The following TCF7L2 variants were observed in gnomAD, a reference collection of about 807,000 sequenced individuals.
TCF7L2 encodes transcription factor 7-like 2.
In TCF7L2, 23 loss-of-function variants were observed where a neutral mutation model predicts 77.9. That is an observed-to-expected ratio of 0.30 (90% confidence interval 0.21 to 0.42). The LOEUF (loss-of-function observed/expected upper bound fraction) is 0.42. Among genes scored for constraint, TCF7L2 ranks in the 10% least tolerant of loss-of-function variants. The pLI, the probability that TCF7L2 is intolerant of heterozygous loss-of-function variation, is 1.00. For synonymous variants in TCF7L2, 413 were observed against 340.2 expected (o/e 1.21, Z -2.36); for missense variants, 654 against 793.1 (o/e 0.82, Z 2.11).
In TCF7L2 at chr10:113,165,962, C is replaced by T. The variant is rs2074022203; in HGVS notation, c.1799C>T (p.Ser600Phe). ...CAGCCGCTGTCGCTCGTCACCAAGT[C>T]TTTAGAATAGCTTTAGCGTCGTGAA... Residue 600 changes from serine (S) to phenylalanine (F), a missense_variant, in exon 14 of 14, where the codon TCT (serine) becomes TTT (phenylalanine). Physicochemically the swap from Ser to Phe is radical, Grantham distance 155. Transcript: ENST00000627217. 6.6e-7 allele frequency: 1 copy of T among 1,524,724 alleles called. No homozygotes were observed. Among genetic ancestry groups the T allele is most frequent in the African/African-American group, 1.4e-5 (1 of 71,806 alleles). 94.4% of individuals were successfully genotyped at this position (1,524,724 alleles called of 1,614,324 possible). A position where few individuals can be genotyped will look rare whatever the true frequency, so the allele number is the denominator to read the frequency against.
chr10:113,127,710 C>A (rs1009363220), intron 5 of TCF7L2, among the ~76,000 whole-genome samples: 2 of 151,666 alleles, frequency 1.3e-5, no homozygotes, highest in Admixed American at 6.6e-5. Flanking sequence ...CTGGGGGCAC[C>A]CTGGGGATGA....
intron 4 of TCF7L2, among the ~76,000 whole-genome samples, chr10:112,991,783 C>T (rs1419938127): frequency 1.3e-5 from 2 of 152,126 alleles, no homozygotes; most frequent in African/African-American, 4.8e-5. Flanking sequence ...GGGGAGGGAG[C>T]CTTGGAAGGA....
At chr10:113,145,217 T>C (rs1335301110) in intron 7 of TCF7L2, among the ~76,000 whole-genome samples, 1 of 152,170 alleles carries the variant, frequency 6.6e-6, no homozygotes, top group Non-Finnish European at 1.5e-5. Context: ...TTATTTTTAT[T>C]GGGACGGTAG....
At chr10:112,971,568 C>T (rs956291732) in intron 4 of TCF7L2, among the ~76,000 whole-genome samples, 3 of 151,622 alleles carry the variant, frequency 2.0e-5, no homozygotes, top group African/African-American at 7.3e-5. Context: ...CCTTGGCCTC[C>T]CAAAGTGCTG....
intron 5 of TCF7L2, among the ~76,000 whole-genome samples, chr10:113,045,046 T>C (rs1176917023): frequency 6.6e-6 from 1 of 151,936 alleles, no homozygotes; most frequent in Non-Finnish European, 1.5e-5. Flanking sequence ...CAAAGGTAGG[T>C]AGATGGAGAT....
intron 11 of TCF7L2, among the ~76,000 whole-genome samples, chr10:113,154,148 AG>A (rs1404053293): frequency 6.6e-6 from 1 of 152,116 alleles, no homozygotes; most frequent in Non-Finnish European, 1.5e-5. Flanking sequence ...TGCAGTGGGG[AG>A]GCCTTTCTTC....
chr10:113,148,673 G>A (rs1326332007), intron 8 of TCF7L2, among the ~76,000 whole-genome samples: 1 of 152,074 alleles, frequency 6.6e-6, no homozygotes, highest in East Asian at 1.9e-4. Context: ...AGCAGACGGG[G>A]GTATATAATG....
At chr10:112,965,423 G>A (rs943113373) in intron 4 of TCF7L2, among the ~76,000 whole-genome samples, 7 of 152,214 alleles carry the variant, frequency 4.6e-5, no homozygotes, top group African/African-American at 1.2e-4. Flanking sequence ...ACCTCATGGT[G>A]TAACTAATGG....
intron 4 of TCF7L2, among the ~76,000 whole-genome samples, chr10:113,027,124 A>G (rs115405920): frequency 0.013 from 1,976 of 152,312 alleles, 54 homozygotes; most frequent in African/African-American, 0.044. Context: ...GGTGCTGACT[A>G]ATTCAACTGG....
intron 11 of TCF7L2, among the ~76,000 whole-genome samples, chr10:113,157,228 C>T (rs1277746093): frequency 6.6e-6 from 1 of 152,234 alleles, no homozygotes; most frequent in Admixed American, 6.5e-5. Flanking sequence ...AGGCGATTCT[C>T]CTGCCTCGGC....
At chr10:113,016,270 T>C (rs904396012) in intron 4 of TCF7L2, among the ~76,000 whole-genome samples, 2 of 152,166 alleles carry the variant, frequency 1.3e-5, no homozygotes, top group East Asian at 3.9e-4. Flanking sequence ...TTTTGCCGTG[T>C]TGTCCAAGCT....
chr10:113,147,757 C>T (rs1419877978), intron 8 of TCF7L2, among the ~76,000 whole-genome samples: 2 of 152,042 alleles, frequency 1.3e-5, no homozygotes, highest in African/African-American at 4.8e-5. Flanking sequence ...TTGGTGCGTT[C>T]TGGAGGTTAA....
At chr10:113,051,269 A>G (rs1024549178) in intron 5 of TCF7L2, among the ~76,000 whole-genome samples, 4 of 150,330 alleles carry the variant, frequency 2.7e-5, no homozygotes, top group Non-Finnish European at 5.9e-5. Flanking sequence ...ACACACCCCG[A>G]CTCAATGGAG....
intron 5 of TCF7L2, among the ~76,000 whole-genome samples, chr10:113,120,641 G>A (rs1459961548): frequency 6.6e-6 from 1 of 152,070 alleles, no homozygotes; most frequent in Non-Finnish European, 1.5e-5. Flanking sequence ...TGTTTTCAAG[G>A]GGACGTAGGA....
intron 5 of TCF7L2, among the ~76,000 whole-genome samples, chr10:113,108,613 G>A (rs1164948410): frequency 1.3e-5 from 2 of 152,148 alleles, no homozygotes; most frequent in Non-Finnish European, 2.9e-5. Context: ...CCCCTAGCCT[G>A]AGAGGTTGGG....
chr10:113,068,560 C>T (rs1055897675), intron 5 of TCF7L2, among the ~76,000 whole-genome samples: 1 of 152,152 alleles, frequency 6.6e-6, no homozygotes, highest in Non-Finnish European at 1.5e-5. Context: ...CACCAGAATT[C>T]ACAGCACCAG....
intron 11 of TCF7L2, among the ~76,000 whole-genome samples, chr10:113,154,570 T>A (rs554932251): frequency 1.2e-4 from 19 of 152,228 alleles, no homozygotes; most frequent in Non-Finnish European, 2.1e-4. Context: ...GTGAAATCTC[T>A]ACAAAGGTAC....
At position 113,071,176 on chromosome 10, in the gene TCF7L2, G is replaced by A. The variant is rs530314666; in HGVS notation, c.552+31050G>A. On this transcript the variant is annotated intron_variant, in intron 5 of 13. Coordinates refer to ENST00000627217, the MANE Select transcript of TCF7L2 (RefSeq NM_001146274.2). ...TTCCTTCCACCCTGCCTCCCTACCC[G>A]CTTTGCTACAAGAAGACAGAATGTA... Among the ~76,000 whole-genome samples, 10 of 152,038 alleles carry A rather than the reference G, an allele frequency of 6.6e-5. No homozygotes were observed. The South Asian group carries it at 8.3e-4, about 13-fold the overall frequency.
intron 5 of TCF7L2, among the ~76,000 whole-genome samples, chr10:113,091,065 C>A (rs1414147001): frequency 6.6e-6 from 1 of 152,086 alleles, no homozygotes; most frequent in Non-Finnish European, 1.5e-5. Flanking sequence ...CCATACCCGG[C>A]TAATTTTTGT....
Sources: gnomAD v4.1 joint callset for allele counts (sites outside exome capture counted in the v4.1 genomes callset) on GRCh38, gnomAD v4.1.1 for gene constraint, MANE v1.5 for transcripts, NCBI Gene and HGNC (gene_info 2026-07-23, HGNC 2026-07-21) for gene names.